Variants in ITPRID1 observed in about 807,000 individuals in gnomAD.
ITPRID1 encodes protein ITPRID1.
ITPRID1 carries 96 observed loss-of-function variants against 95.4 expected under a neutral mutation model. The ratio of observed to expected loss-of-function variants is 1.01; its 90% CI spans 0.85 to 1.19. The LOEUF (loss-of-function observed/expected upper bound fraction) is 1.19. ITPRID1 is among the 50% of genes most tolerant of loss of function. The probability of loss-of-function intolerance (pLI) is 0.00; values close to 1 mark genes in which losing one functional copy is unlikely to be tolerated. For missense variants in ITPRID1, 1,339 were observed against 1,252.9 expected (o/e 1.07, Z -1.04); for synonymous variants, 510 against 453.6 (o/e 1.12, Z -1.58).
At chr7:31,651,355 C>A in intron 13 of ITPRID1, 86 bp downstream of exon 13, 1 of 1,447,588 alleles carries the variant, frequency 6.9e-7, no homozygotes. Context: ...AGAGGAGCAC[C>A]CTGGAGCAGA....
At chr7:31,582,130 AC>A (rs1192559947) in intron 9 of ITPRID1, among the ~76,000 whole-genome samples, 2 of 152,202 alleles carry the variant, frequency 1.3e-5, no homozygotes, top group African/African-American at 4.8e-5. Context: ...AGATTTATGA[AC>A]AAGAATATTC....
At position 31,583,183 on chromosome 7, in the gene ITPRID1, G is replaced by T. The variant is rs544905117; in HGVS notation, c.1220G>T (p.Gly407Val). The T allele has an allele frequency of 1.2e-6, 2 of 1,608,516 alleles. No individual in the cohort carries two copies. Among genetic ancestry groups the T allele is most frequent in the South Asian group, 2.2e-5 (2 of 90,556 alleles). ...GGTAATCCTCTTGACATGACTTCAG[G>T]AACTGTAGGTAAGAATTCATCAAGG... ...ETGNPLDMTS[G>V]TVGARVDRAN... The change falls in exon 10 of 15, where the codon GGA (glycine) becomes GTA (valine). Residue 407 changes from glycine to valine, a missense_variant. Coordinates refer to ENST00000615280, the MANE Select transcript of ITPRID1 (RefSeq NM_001257967.3).
At chr7:31,600,677 G>A (rs1445085060) in intron 10 of ITPRID1, among the ~76,000 whole-genome samples, 4 of 152,206 alleles carry the variant, frequency 2.6e-5, no homozygotes, top group South Asian at 2.1e-4. Flanking sequence ...TTACCCTTGA[G>A]AAGTGACCAC....
chr7:31,539,536 T>C (rs1017771367), intron 1 of ITPRID1, among the ~76,000 whole-genome samples: 3 of 152,190 alleles, frequency 2.0e-5, no homozygotes, highest in Non-Finnish European at 4.4e-5. Context: ...TGATAGATCA[T>C]ACGTTAAAGG....
chr7:31,592,121 C>T (rs966198413), intron 10 of ITPRID1, among the ~76,000 whole-genome samples: 15 of 152,116 alleles, frequency 9.9e-5, no homozygotes, highest in African/African-American at 3.4e-4. Context: ...TCTTTTTATG[C>T]GTAAGGGCAG....
chr7:31,594,718 G>A (rs901457538), intron 10 of ITPRID1, among the ~76,000 whole-genome samples: 2 of 152,068 alleles, frequency 1.3e-5, no homozygotes, highest in African/African-American at 2.4e-5. Context: ...TTAGCTGTGT[G>A]TGGTGGTGCA....
Position 31,643,622 on chromosome 7 carries a change from G to A in ITPRID1, c.2252G>A (p.Gly751Glu). Residue 751 changes from glycine to glutamate, a missense_variant, in exon 12 of 15, where the codon GGG becomes GAG. Physicochemically the swap from Gly to Glu is moderately conservative, Grantham distance 98. Transcript: ENST00000615280. ...GTTACCGCAACAGAAACAAGACTGG[G>A]GACAAAAGCAAGACAGTTAAATGAT... ...DPVTATETRL[G>E]TKARQLNDAS... 2 of 1,613,966 alleles carry A rather than the reference G, an allele frequency of 1.2e-6. No individual in the cohort carries two copies. Among genetic ancestry groups the A allele is most frequent in the South Asian group, 1.1e-5 (1 of 91,076 alleles).
intron 10 of ITPRID1, among the ~76,000 whole-genome samples, chr7:31,616,337 TG>T (rs1787225728): frequency 6.6e-6 from 1 of 152,146 alleles, no homozygotes; most frequent in Non-Finnish European, 1.5e-5. Context: ...ATATGCATAT[TG>T]GGTCCTATTG....
chr7:31,576,548 G>A (rs1467248939), intron 8 of ITPRID1, among the ~76,000 whole-genome samples: 1 of 152,140 alleles, frequency 6.6e-6, no homozygotes, highest in Non-Finnish European at 1.5e-5. Context: ...CTTAATTTAG[G>A]GGGGAAATGT....
chr7:31,597,510 C>T (rs1485345502), intron 10 of ITPRID1, among the ~76,000 whole-genome samples: 1 of 149,174 alleles, frequency 6.7e-6, no homozygotes, highest in Non-Finnish European at 1.5e-5. Context: ...AACCCCACAA[C>T]AACAGATTCT....
chr7:31,515,996 T>C (rs1409581301), intron 1 of ITPRID1, among the ~76,000 whole-genome samples: 6 of 152,178 alleles, frequency 3.9e-5, no homozygotes, highest in African/African-American at 7.2e-5. Context: ...TAGTTTTTTT[T>C]TGCCAACAAA....
intron 5 of ITPRID1, among the ~76,000 whole-genome samples, chr7:31,567,886 G>A (rs539269425): frequency 3.3e-5 from 5 of 152,312 alleles, no homozygotes; most frequent in South Asian, 2.1e-4. Flanking sequence ...AGGACTTTGG[G>A]AGATGGAGGC....
intron 10 of ITPRID1, among the ~76,000 whole-genome samples, chr7:31,618,578 C>A (rs949366764): frequency 6.6e-6 from 1 of 152,144 alleles, no homozygotes; most frequent in African/African-American, 2.4e-5. Flanking sequence ...GCTTTGAAAC[C>A]AAAAGGGAGT....
chr7:31,654,681 A>G lies in ITPRID1; in HGVS notation c.*1852A>G, dbSNP rs1046854774. 1.3e-5 allele frequency among the ~76,000 whole-genome samples: 2 copies of G among 152,156 alleles called. No individual in the cohort carries two copies. The highest frequency in any genetic ancestry group is 2.9e-5 in the Non-Finnish European group (2 of 68,036). ...GCAGGGAATGGCACACAAAGGCCAG[A>G]GGCACTGGGTCTCTAAGGAATGGGG... is the stretch of plus-strand genomic sequence containing the variant. On this transcript the variant is annotated 3_prime_UTR_variant, in exon 15 of 15. Coordinates refer to ENST00000615280, the MANE Select transcript of ITPRID1 (RefSeq NM_001257967.3).
At chr7:31,638,973 C>CA (rs1030450698) in intron 10 of ITPRID1, among the ~76,000 whole-genome samples, 10 of 152,090 alleles carry the variant, frequency 6.6e-5, no homozygotes, top group African/African-American at 2.4e-4. Flanking sequence ...CACGGGATTT[C>CA]ACCATGTTGG....
intron 10 of ITPRID1, among the ~76,000 whole-genome samples, chr7:31,609,111 A>T (rs1786752209): frequency 6.6e-6 from 1 of 151,602 alleles, no homozygotes; most frequent in African/African-American, 2.4e-5. Flanking sequence ...TTCTTTTAAC[A>T]TTGTGTATTA....
At position 31,574,677 on chromosome 7, in the gene ITPRID1, T is replaced by C; in HGVS notation, c.533T>C (p.Ile178Thr). The change falls in exon 8 of 15, where the codon ATC becomes ACC. Residue 178 changes from isoleucine to threonine, a missense_variant. Ile to Thr is a moderately conservative substitution (Grantham distance 89). Coordinates refer to ENST00000615280, the MANE Select transcript of ITPRID1 (RefSeq NM_001257967.3). The stretch of plus-strand genomic sequence containing the variant: ...GGTTGTGGCTCAGCAGCCAGAGGAA[T>C]CAACATCCGTGTTTTTCTTGAAGCT... ...FLGCGSAARG[I>T]NIRVFLEAQK... The C allele has an allele frequency of 6.2e-7, 1 of 1,613,872 alleles. No homozygotes were observed. Among genetic ancestry groups the C allele is most frequent in the East Asian group, 2.2e-5 (1 of 44,866 alleles).
intron 10 of ITPRID1, among the ~76,000 whole-genome samples, chr7:31,630,845 A>C (rs573371145): frequency 3.4e-4 from 52 of 152,282 alleles, no homozygotes; most frequent in Middle Eastern, 3.4e-3. Flanking sequence ...ATGAAAACAA[A>C]AAGAAAACAG....
chr7:31,581,800 T>G (rs1785414453), intron 9 of ITPRID1, among the ~76,000 whole-genome samples: 1 of 152,252 alleles, frequency 6.6e-6, no homozygotes, highest in East Asian at 1.9e-4. Flanking sequence ...TAGCAAAAAC[T>G]TTTTATTACA....
Sources: gnomAD v4.1 joint callset for allele counts (sites outside exome capture counted in the v4.1 genomes callset) on GRCh38, gnomAD v4.1.1 for gene constraint, MANE v1.5 for transcripts, NCBI Gene and HGNC (gene_info 2026-07-23, HGNC 2026-07-21) for gene names.